Variants in ASPM observed in about 807,000 individuals in gnomAD.
ASPM encodes abnormal spindle-like microcephaly-associated protein.
ASPM carries 256 observed loss-of-function variants against 366.4 expected under a neutral mutation model. The ratio of observed to expected loss-of-function variants is 0.70; its 90% CI spans 0.63 to 0.77. ASPM has a LOEUF of 0.77. ASPM is among the 30% of genes least tolerant of loss of function. The probability of loss-of-function intolerance (pLI) is 0.00; values close to 1 mark genes in which losing one functional copy is unlikely to be tolerated. For missense variants in ASPM, 4,146 were observed against 4,090.4 expected, an observed-to-expected ratio of 1.01 and a Z score of -0.37; for synonymous variants, 1,414 against 1,342.9, an observed-to-expected ratio of 1.05 and a Z score of -1.16.
chr1:197,101,105 C>T lies in ASPM; in HGVS notation c.8146G>A (p.Val2716Met). 1 of 1,611,972 alleles carries T rather than the reference C, an allele frequency of 6.2e-7. No homozygotes were observed. The highest frequency in any genetic ancestry group is 1.1e-5 in the South Asian group (1 of 91,036). Residue 2716 changes from valine (V) to methionine (M), a missense_variant, in exon 18 of 28, where the codon GTG becomes ATG. Coordinates refer to ENST00000367409, the MANE Select transcript of ASPM (RefSeq NM_018136.5). ...VDYETKKTAI[V>M]VIQNYYRLYV... ...AACCTATAATAATTCTGTATAACCA[C>T]AATTGCAGTTTTCTTTGTTTCATAA...
chr1:197,101,506 A>G lies in ASPM; in HGVS notation c.7745T>C (p.Ile2582Thr), dbSNP rs1284157546. 2.5e-6 allele frequency: 4 copies of G among 1,609,358 alleles called. No individual in the cohort carries two copies. The highest frequency in any genetic ancestry group is 2.7e-5 in the African/African-American group (2 of 74,832). The change falls in exon 18 of 28, where the codon ATC becomes ACC. Residue 2582 changes from isoleucine (I) to threonine (T), a missense_variant. This residue lies in a region of ASPM where 3,624 missense variants were observed against 3,591.7 expected (regional missense o/e 1.01). Transcript: ENST00000367409. The stretch of plus-strand genomic sequence containing the variant: ...ATTTGCTCTATATTTTTCTTGTATG[A>G]TTTTTGTAGCCCACTGAAGCTTTTG... Reference protein sequence around the residue: ...FYQKLQWATKIIQEKYRANKK... With the variant: ...FYQKLQWATKTIQEKYRANKK...
intron 17 of ASPM, among the ~76,000 whole-genome samples, chr1:197,117,437 G>C (rs560763730): frequency 2.2e-4 from 34 of 152,172 alleles, no homozygotes; most frequent in African/African-American, 6.7e-4. Context: ...CCAAAGAGAA[G>C]TTTCCAGGAC....
chr1:197,097,073 A>C (rs1042191638), intron 18 of ASPM, among the ~76,000 whole-genome samples: 8 of 151,646 alleles, frequency 5.3e-5, no homozygotes, highest in African/African-American at 1.7e-4. Flanking sequence ...AAGAAAACCC[A>C]ATTCCCCTTG....
chr1:197,110,936 T>A (rs940441467), intron 17 of ASPM, among the ~76,000 whole-genome samples: 3 of 151,950 alleles, frequency 2.0e-5, no homozygotes, highest in Non-Finnish European at 4.4e-5. Flanking sequence ...AAAAAATTAA[T>A]GCAAGATGGA....
In ASPM at chr1:197,121,894, AG is replaced by A; in HGVS notation, c.3870+20del. The A allele has an allele frequency of 6.3e-7, 1 of 1,587,380 alleles. No individual in the cohort carries two copies. Among genetic ancestry groups the A allele is most frequent in the Non-Finnish European group, 8.6e-7 (1 of 1,157,096 alleles). Reference sequence around the variant, plus strand: ...TCTAAAGTATAATTCACACTATAGTAGTTTCATATTCTAGGAGTACCTGATG... The same window carrying A: ...TCTAAAGTATAATTCACACTATAGTATTTCATATTCTAGGAGTACCTGATG... On this transcript the variant is annotated intron_variant, in intron 16 of 27. Transcript: ENST00000367409.
chr1:197,139,571 A>C (rs1431967005), intron 4 of ASPM, among the ~76,000 whole-genome samples, 196 bp downstream of exon 4: 1 of 152,188 alleles, frequency 6.6e-6, no homozygotes, highest in Non-Finnish European at 1.5e-5. Flanking sequence ...GACCCTACTG[A>C]TCTATTGAAC....
intron 17 of ASPM, among the ~76,000 whole-genome samples, chr1:197,109,677 G>T (rs562621647): frequency 6.6e-6 from 1 of 152,052 alleles, no homozygotes; most frequent in South Asian, 2.1e-4. Context: ...CAGACAACAC[G>T]ACTATGTAGA....
In ASPM at chr1:197,117,265, TA is replaced by T. The variant is rs376196467; in HGVS notation, c.4065+523del. On this transcript the variant is annotated intron_variant, in intron 17 of 27. Coordinates refer to ENST00000367409, the MANE Select transcript of ASPM (RefSeq NM_018136.5). The stretch of plus-strand genomic sequence containing the variant: ...CATGTCATTAAAATATAATTTAATA[TA>T]AAAAAACTAATTTACATAGATGTAA... 1.2e-3 allele frequency among the ~76,000 whole-genome samples: 185 copies of T among 152,002 alleles called. 1 individual carries two copies. The East Asian group carries it at 0.02, about 17-fold the overall frequency.
chr1:197,133,276 G>A, intron 6 of ASPM, 74 bp downstream of exon 6: 2 of 1,487,574 alleles, frequency 1.3e-6, no homozygotes, highest in South Asian at 1.3e-5. Flanking sequence ...TGTCAATAAA[G>A]CCGGGGGAAA....
intron 7 of ASPM, among the ~76,000 whole-genome samples, 171 bp downstream of exon 7, chr1:197,132,114 C>T (rs1186740588): frequency 2.0e-5 from 3 of 151,982 alleles, no homozygotes; most frequent in African/African-American, 7.3e-5. Flanking sequence ...AGTCTATTTA[C>T]CTAATAAGCA....
chr1:197,100,488 T>C lies in ASPM; in HGVS notation c.8763A>G (p.Lys2921=), dbSNP rs1657116169. 6.2e-7 allele frequency: 1 copy of C among 1,603,454 alleles called. No individual in the cohort carries two copies. The highest frequency in any genetic ancestry group is 1.3e-5 in the African/African-American group (1 of 74,358). Residue 2921 remains lysine, a synonymous_variant, in exon 18 of 28, where the codon AAA becomes AAG. Transcript: ENST00000367409. ...SSVIIIQARS[K]GFIQKRKFQE... is the part of the protein sequence containing the mutation. ...GAAACTTCCGTTTCTGTATAAATCC[T>C]TTACTTCTAGCTTGAATAATGATAA...
intron 10 of ASPM, 110 bp downstream of exon 10, chr1:197,128,380 A>C (rs1254128802): frequency 1.7e-6 from 2 of 1,186,622 alleles, no homozygotes; most frequent in African/African-American, 3.1e-5. Flanking sequence ...TTCAGTACTA[A>C]ATTTATTGTA....
Position 197,086,796 on chromosome 1 carries a change from T to A in ASPM, c.10331+7A>T. The A allele has an allele frequency of 3.1e-6, 5 of 1,596,306 alleles. No homozygotes were observed. The highest frequency in any genetic ancestry group is 4.3e-6 in the Non-Finnish European group (5 of 1,164,268). On this transcript the variant is annotated splice_region_variant and intron_variant, in intron 27 of 27. Coordinates refer to ENST00000367409, the MANE Select transcript of ASPM (RefSeq NM_018136.5). ...CACAAATTTATGGACTATATTTAAT[T>A]GCTTACCTTGAAACTATTCTGGTCC...
intron 16 of ASPM, among the ~76,000 whole-genome samples, chr1:197,118,914 A>C (rs1178813077): frequency 6.6e-6 from 1 of 152,110 alleles, no homozygotes; most frequent in Non-Finnish European, 1.5e-5. Context: ...GGTGGGAAGG[A>C]ATAACTTATG....
In ASPM at chr1:197,086,981, T is replaced by G. The variant is rs753955740; in HGVS notation, c.10162-9A>C. ...GACCTACTTCGTACATCCTACAAAA[T>G]AAAATGCACAGTTACTAAAAAGTAA... On this transcript the variant is annotated splice_polypyrimidine_tract_variant and intron_variant, in intron 26 of 27. Transcript: ENST00000367409. 1.2e-6 allele frequency: 2 copies of G among 1,603,276 alleles called. No homozygotes were observed. Among genetic ancestry groups the G allele is most frequent in the Non-Finnish European group, 1.7e-6 (2 of 1,176,784 alleles).
chr1:197,093,750 T>C (rs1656867278), intron 20 of ASPM, among the ~76,000 whole-genome samples: 1 of 151,790 alleles, frequency 6.6e-6, no homozygotes. Context: ...GCTGGAAATA[T>C]GGCACCAACA....
rs1296413371 is a variant in ASPM at position 197,128,520 on chromosome 1, G to C, written c.2906C>G (p.Ala969Gly). The change falls in exon 10 of 28, where the codon GCC becomes GGC. Residue 969 changes from alanine to glycine, a missense_variant. Physicochemically the swap from Ala to Gly is moderately conservative, Grantham distance 60. Transcript: ENST00000367409. The stretch of plus-strand genomic sequence containing the variant: ...GCGCACTCCACATTGCAAGTCTACG[G>C]CAAGATTTGTAACGGCAAAATCAAA... ...DEFDFAVTNL[A>G]VDLQCGVRLV... 1 of 1,613,696 alleles carries C rather than the reference G, an allele frequency of 6.2e-7. No homozygotes were observed. The highest frequency in any genetic ancestry group is 2.2e-5 in the East Asian group (1 of 44,858).
intron 18 of ASPM, 106 bp from the exon 19 acceptor site, chr1:197,096,270 A>T: frequency 6.2e-6 from 6 of 975,162 alleles, no homozygotes; most frequent in Non-Finnish European, 9.6e-6. Flanking sequence ...GTGCAGACAA[A>T]AATAAATTGC....
Position 197,090,200 on chromosome 1 carries a change from G to T in ASPM, c.9825C>A (p.His3275Gln), listed in dbSNP as rs1443343127. 8.7e-6 allele frequency: 14 copies of T among 1,613,222 alleles called. No homozygotes were observed. Among genetic ancestry groups the T allele is most frequent in the Non-Finnish European group, 1.0e-5 (12 of 1,179,466 alleles). The change falls in exon 24 of 28, where the codon CAC (histidine) becomes CAA (glutamine). Residue 3275 changes from histidine to glutamine, a missense_variant. Transcript: ENST00000367409. Reference sequence around the variant, plus strand: ...AACATGTTAACACAAACTAACCTAGGTGTTTTAAGGCCTCAAGAATGGCAG... The same window carrying T: ...AACATGTTAACACAAACTAACCTAGTTGTTTTAAGGCCTCAAGAATGGCAG... ...HLSAILEALKHLEVVTRLSPL... is the reference protein window; with the variant it reads ...HLSAILEALKQLEVVTRLSPL...
Sources: allele counts gnomAD v4.1 joint callset (sites outside exome capture counted in the v4.1 genomes callset), GRCh38; gene constraint gnomAD v4.1.1; regional missense constraint gnomAD v4.1.1; transcripts MANE v1.5; gene names NCBI Gene and HGNC (gene_info 2026-07-23, HGNC 2026-07-21).